Variants in PPFIA2 observed in about 807,000 individuals in gnomAD.
PPFIA2 encodes the protein PPFI scaffold protein A2, also known as liprin-alpha-2.
A neutral mutation model predicts 175.5 loss-of-function variants in PPFIA2; 46 were observed. The ratio of observed to expected loss-of-function variants is 0.26; its 90% confidence interval spans 0.21 to 0.34. The LOEUF (loss-of-function observed/expected upper bound fraction) is 0.34. PPFIA2 is among the 10% of genes least tolerant of loss of function. The pLI is 1.00. For synonymous variants in PPFIA2, 568 were observed against 511.4 expected (o/e 1.11, Z -1.49); for missense variants, 1,179 against 1,506.1 (o/e 0.78, Z 3.60).
At chr12:81,384,608 C>A (rs1209432082) in intron 8 of PPFIA2, among the ~76,000 whole-genome samples, 1 of 151,786 alleles carries the variant, frequency 6.6e-6, no homozygotes, top group South Asian at 2.1e-4. Context: ...GATATAACAC[C>A]ATACATTATT....
At chr12:81,573,406 C>T (rs372442891) in intron 4 of PPFIA2, among the ~76,000 whole-genome samples, 2 of 151,824 alleles carry the variant, frequency 1.3e-5, no homozygotes, top group South Asian at 4.2e-4. Flanking sequence ...GAGCTTAGAT[C>T]GCCATTCTGG....
chr12:81,385,516 C>A (rs1473126197), intron 8 of PPFIA2, among the ~76,000 whole-genome samples: 1 of 152,098 alleles, frequency 6.6e-6, no homozygotes, highest in Non-Finnish European at 1.5e-5. Flanking sequence ...CAATGAAATC[C>A]TATTCAGTTT....
At chr12:81,471,901 T>G (rs2056796712) in intron 4 of PPFIA2, among the ~76,000 whole-genome samples, 1 of 152,236 alleles carries the variant, frequency 6.6e-6, no homozygotes, top group African/African-American at 2.4e-5. Context: ...GTTTATTACC[T>G]GAATTCCATT....
chr12:81,654,432 C>G (rs1344915681), intron 4 of PPFIA2, among the ~76,000 whole-genome samples: 1 of 151,964 alleles, frequency 6.6e-6, no homozygotes, highest in Non-Finnish European at 1.5e-5. Context: ...ATGTATGGAT[C>G]TTGGTGATTT....
intron 8 of PPFIA2, among the ~76,000 whole-genome samples, chr12:81,386,387 G>T (rs2038968685): frequency 6.6e-6 from 1 of 151,902 alleles, no homozygotes; most frequent in Non-Finnish European, 1.5e-5. Context: ...ATTTTGGGAA[G>T]CTGGGGTGGG....
At chr12:81,361,703 T>C (rs1031089150) in intron 15 of PPFIA2, among the ~76,000 whole-genome samples, 1 of 151,632 alleles carries the variant, frequency 6.6e-6, no homozygotes. Context: ...ATATGCAAGA[T>C]AGTTTTTTAG....
intron 4 of PPFIA2, among the ~76,000 whole-genome samples, chr12:81,578,009 T>G (rs529549810): frequency 6.6e-6 from 1 of 151,790 alleles, no homozygotes; most frequent in African/African-American, 2.4e-5. Context: ...TACGAGAAGA[T>G]CCACTTCTTT....
At chr12:81,725,210 G>C (rs1353934864) in intron 3 of PPFIA2, among the ~76,000 whole-genome samples, 2 of 150,540 alleles carry the variant, frequency 1.3e-5, no homozygotes, top group South Asian at 2.1e-4. Flanking sequence ...AATAAGATTA[G>C]GTCTACATAA....
intron 2 of PPFIA2, among the ~76,000 whole-genome samples, chr12:81,756,979 T>A (rs996330104): frequency 6.6e-6 from 1 of 152,114 alleles, no homozygotes. Context: ...AAAGTCTTCT[T>A]ATCAAAATTA....
At chr12:81,508,521 C>CAAA (rs544893385) in intron 4 of PPFIA2, among the ~76,000 whole-genome samples, 341 of 44,300 alleles carry the variant, frequency 7.7e-3, no homozygotes, top group Non-Finnish European at 9.2e-3. Context: ...AATTCCACCT[C>CAAA]AAAAAAAAAA....
At chr12:81,485,486 C>A (rs1009895511) in intron 4 of PPFIA2, among the ~76,000 whole-genome samples, 4 of 151,624 alleles carry the variant, frequency 2.6e-5, no homozygotes, top group Non-Finnish European at 5.9e-5. Context: ...GTACTTTCCC[C>A]AAATAACTCA....
chr12:81,342,948 TAA>T (rs2058397936), intron 19 of PPFIA2, among the ~76,000 whole-genome samples: 2 of 1,060 alleles, frequency 1.9e-3, no homozygotes, highest in Non-Finnish European at 0.014. Flanking sequence ...ACTTAAAGTA[TAA>T]TAATAATAAT....
intron 5 of PPFIA2, among the ~76,000 whole-genome samples, chr12:81,451,789 A>G (rs181421998): frequency 4.7e-4 from 72 of 152,294 alleles, no homozygotes; most frequent in Non-Finnish European, 8.1e-4. Flanking sequence ...AAGAATATGG[A>G]CAAAAATGTT....
At chr12:81,654,110 A>T (rs1161551742) in intron 4 of PPFIA2, among the ~76,000 whole-genome samples, 1 of 151,924 alleles carries the variant, frequency 6.6e-6, no homozygotes, top group Non-Finnish European at 1.5e-5. Flanking sequence ...AAAAAAAATC[A>T]TCTGTAGAAT....
chr12:81,716,531 T>A (rs544604850), intron 3 of PPFIA2, among the ~76,000 whole-genome samples: 18 of 150,700 alleles, frequency 1.2e-4, no homozygotes, highest in African/African-American at 4.1e-4. Flanking sequence ...AACTAGATAG[T>A]AAAATACTTG....
intron 3 of PPFIA2, among the ~76,000 whole-genome samples, chr12:81,752,120 A>T (rs999198000): frequency 6.6e-6 from 1 of 152,198 alleles, no homozygotes; most frequent in Admixed American, 6.5e-5. Flanking sequence ...TGCAGCATCT[A>T]TGCAAGTCAA....
At chr12:81,401,659 A>G (rs2042113434) in intron 8 of PPFIA2, among the ~76,000 whole-genome samples, 1 of 152,204 alleles carries the variant, frequency 6.6e-6, no homozygotes, top group Admixed American at 6.5e-5. Flanking sequence ...ACTGATTCAC[A>G]TCAGTTAGCA....
intron 22 of PPFIA2, among the ~76,000 whole-genome samples, chr12:81,325,479 G>T (rs908399100): frequency 2.6e-5 from 4 of 152,050 alleles, no homozygotes; most frequent in Admixed American, 6.6e-5. Flanking sequence ...AACCAATCAG[G>T]TTTTAATTTT....
intron 4 of PPFIA2, among the ~76,000 whole-genome samples, chr12:81,566,836 A>G (rs1354158176): frequency 6.6e-6 from 1 of 152,162 alleles, no homozygotes; most frequent in Admixed American, 6.5e-5. Context: ...CTTACTACAT[A>G]CACTTTCTCA....
Sources: gnomAD v4.1 joint callset for allele counts (sites outside exome capture counted in the v4.1 genomes callset) on GRCh38, gnomAD v4.1.1 for gene constraint, MANE v1.5 for transcripts, NCBI Gene and HGNC (gene_info 2026-07-23, HGNC 2026-07-21) for gene names.